NRG1: variants seen among roughly 807,000 people sequenced by gnomAD.
NRG1 encodes the protein neuregulin 1.
In NRG1, 18 loss-of-function variants were observed where a neutral mutation model predicts 63.8. The observed-to-expected ratio is 0.28, with a 90% CI of 0.19 to 0.42. The LOEUF (loss-of-function observed/expected upper bound fraction) is 0.42. Ranked by LOEUF, NRG1 falls within the 10% of genes least tolerant of loss-of-function variation. The pLI is 1.00. For missense variants in NRG1, 762 were observed against 814.7 expected (o/e 0.94, Z 0.79); for synonymous variants, 302 against 301.3 (o/e 1.00, Z -0.02).
intron 1 of NRG1, among the ~76,000 whole-genome samples, chr8:32,429,668 C>G (rs748627265): frequency 3.3e-5 from 5 of 152,062 alleles, no homozygotes; most frequent in Non-Finnish European, 5.9e-5. Flanking sequence ...TTGATACTTA[C>G]GCATGGGCAA....
chr8:32,451,268 T>A (rs1466588491), intron 1 of NRG1, among the ~76,000 whole-genome samples: 2 of 152,170 alleles, frequency 1.3e-5, no homozygotes, highest in African/African-American at 2.4e-5. Context: ...ATAACATGAT[T>A]CTTTTTGCCC....
chr8:32,685,393 C>G lies in NRG1; in HGVS notation c.503-42556C>G, dbSNP rs549786146. ...AGAATGAAAGTGAGGGAACTCCTCC[C>G]TTGGAGACTTGTCAGAATCTTGGAG... On this transcript the variant is annotated intron_variant, in intron 5 of 11. Transcript: ENST00000356819. 3.3e-5 allele frequency among the ~76,000 whole-genome samples: 5 copies of G among 152,160 alleles called. No individual in the cohort carries two copies. In the East Asian group the frequency reaches 9.7e-4, roughly 29 times the overall value.
At chr8:32,597,295 G>T (rs1335434655) in intron 2 of NRG1, among the ~76,000 whole-genome samples, 1 of 152,138 alleles carries the variant, frequency 6.6e-6, no homozygotes, top group Admixed American at 6.6e-5. Context: ...TGAGCAAAGT[G>T]ATTACAATGA....
chr8:32,201,803 A>G (rs1843524080), intron 1 of NRG1, among the ~76,000 whole-genome samples: 1 of 152,238 alleles, frequency 6.6e-6, no homozygotes, highest in South Asian at 2.1e-4. Flanking sequence ...ATATAGGACC[A>G]TTGGTGTACT....
intron 1 of NRG1, among the ~76,000 whole-genome samples, chr8:32,380,824 T>G (rs1810255879): frequency 6.6e-6 from 1 of 152,200 alleles, no homozygotes; most frequent in Non-Finnish European, 1.5e-5. Flanking sequence ...ATGTGATAAT[T>G]TAAGACATTC....
intron 1 of NRG1, among the ~76,000 whole-genome samples, chr8:32,344,410 C>A (rs544985163): frequency 1.7e-5 from 1 of 57,714 alleles, no homozygotes; most frequent in African/African-American, 6.4e-5. Flanking sequence ...TGCATGCATG[C>A]GTGCATGCAT....
At chr8:32,336,773 C>G (rs1803322434) in intron 1 of NRG1, among the ~76,000 whole-genome samples, 1 of 152,096 alleles carries the variant, frequency 6.6e-6, no homozygotes, top group Non-Finnish European at 1.5e-5. Flanking sequence ...CTAAACCCAG[C>G]TAGTTTTTGT....
intron 1 of NRG1, among the ~76,000 whole-genome samples, chr8:32,048,301 TCATA>T (rs1246705894): frequency 1.3e-5 from 2 of 150,430 alleles, no homozygotes; most frequent in Non-Finnish European, 3.0e-5. Flanking sequence ...ACATATATAT[TCATA>T]CATATATGTA....
intron 5 of NRG1, among the ~76,000 whole-genome samples, chr8:32,665,513 T>C (rs1279311867): frequency 6.6e-6 from 1 of 152,238 alleles, no homozygotes; most frequent in African/African-American, 2.4e-5. Flanking sequence ...TTTGGCAGGC[T>C]ATTAATAATG....
intron 1 of NRG1, among the ~76,000 whole-genome samples, chr8:31,915,747 A>G (rs1193483572): frequency 6.6e-6 from 1 of 152,170 alleles, no homozygotes; most frequent in Non-Finnish European, 1.5e-5. Flanking sequence ...TGGATAGAGT[A>G]GGTTATAATG....
chr8:31,805,550 C>T (rs940443285), intron 1 of NRG1, among the ~76,000 whole-genome samples: 1 of 151,850 alleles, frequency 6.6e-6, no homozygotes, highest in Non-Finnish European at 1.5e-5. Flanking sequence ...GAATACCGGC[C>T]GGGCGCGGTG....
intron 1 of NRG1, among the ~76,000 whole-genome samples, chr8:31,885,895 A>G (rs576209537): frequency 6.6e-6 from 1 of 152,262 alleles, no homozygotes; most frequent in South Asian, 2.1e-4. Context: ...TTACGGAGAA[A>G]GTCACACTGC....
intron 1 of NRG1, among the ~76,000 whole-genome samples, chr8:32,359,501 A>G (rs934822569): frequency 6.6e-6 from 1 of 152,216 alleles, no homozygotes; most frequent in Non-Finnish European, 1.5e-5. Context: ...TGAAACCTGC[A>G]TTGCAGAGTC....
intron 1 of NRG1, among the ~76,000 whole-genome samples, chr8:32,161,285 A>T (rs564856578): frequency 6.6e-6 from 1 of 152,320 alleles, no homozygotes; most frequent in African/African-American, 2.4e-5. Context: ...ACAATGAGAA[A>T]TGGGAAAGCC....
rs143823658 is a variant in NRG1, at chr8:32,616,378, T to C, written c.452-457T>C. Among the ~76,000 whole-genome samples the C allele has an allele frequency of 6.9e-3, 1,055 of 152,274 alleles. 12 individuals are homozygous for C. Among genetic ancestry groups the C allele is most frequent in the African/African-American group, 0.024 (985 of 41,578 alleles). Reference sequence around the variant, plus strand: ...GTCCGGATGTTTATGCAGATCCAAGTTGCCTGGAAATACTCTCAATCTTGT... The same window carrying C: ...GTCCGGATGTTTATGCAGATCCAAGCTGCCTGGAAATACTCTCAATCTTGT... On this transcript the variant is annotated intron_variant, in intron 4 of 11. Transcript: ENST00000356819.
At chr8:31,889,895 A>G (rs1490435869) in intron 1 of NRG1, among the ~76,000 whole-genome samples, 2 of 152,240 alleles carry the variant, frequency 1.3e-5, no homozygotes, top group Non-Finnish European at 2.9e-5. Context: ...AAAGTGGATC[A>G]ATCCATGCCA....
chr8:32,169,786 CTTA>C (rs1250941098), intron 1 of NRG1, among the ~76,000 whole-genome samples: 2 of 152,084 alleles, frequency 1.3e-5, no homozygotes, highest in Non-Finnish European at 1.5e-5. Context: ...AATGATTTAT[CTTA>C]TTATTCTGTT....
chr8:32,079,645 T>C (rs986484953), intron 1 of NRG1, among the ~76,000 whole-genome samples: 4 of 152,166 alleles, frequency 2.6e-5, no homozygotes, highest in Admixed American at 6.6e-5. Flanking sequence ...AAGTAAAATA[T>C]GCTCATAAAC....
At chr8:32,088,809 C>T (rs996234976) in intron 1 of NRG1, among the ~76,000 whole-genome samples, 2 of 152,082 alleles carry the variant, frequency 1.3e-5, no homozygotes, top group African/African-American at 2.4e-5. Context: ...TGAGCCACTG[C>T]GCCTGGCCCA....
Sources: gnomAD v4.1 joint callset for allele counts (sites outside exome capture counted in the v4.1 genomes callset) on GRCh38, gnomAD v4.1.1 for gene constraint, MANE v1.5 for transcripts, NCBI Gene and HGNC (gene_info 2026-07-23, HGNC 2026-07-21) for gene names.